TAX1BP1: variants seen among roughly 807,000 people sequenced by gnomAD.
TAX1BP1 encodes Tax1 binding protein 1, also known as tax1-binding protein 1.
In TAX1BP1, 62 loss-of-function variants were observed where a neutral mutation model predicts 97.7. That is an observed-to-expected ratio of 0.63 (90% CI 0.52 to 0.78). TAX1BP1 has a LOEUF of 0.78. Among genes scored for constraint, TAX1BP1 ranks in the 30% least tolerant of loss-of-function variants. The pLI, the probability that TAX1BP1 is intolerant of heterozygous loss-of-function variation, is 0.00. For missense variants in TAX1BP1, 867 were observed against 916.1 expected, an observed-to-expected ratio of 0.95 and a Z score of 0.69; for synonymous variants, 340 against 304.2, an observed-to-expected ratio of 1.12 and a Z score of -1.23.
At position 27,758,122 on chromosome 7, in the gene TAX1BP1, T is replaced by C. The variant is rs1226654093; in HGVS notation, c.254T>C (p.Leu85Pro). 6.2e-7 allele frequency: 1 copy of C among 1,608,988 alleles called. No individual in the cohort carries two copies. The highest frequency in any genetic ancestry group is 8.5e-7 in the Non-Finnish European group (1 of 1,177,824). ...YVEGSTVNCVLAFQGYYLPND... is the reference protein window; with the variant it reads ...YVEGSTVNCVPAFQGYYLPND... ...GAAGGATCAACAGTCAATTGTGTAC[T>C]AGCATTCCAAGGTAAGGACTGAAAA... Residue 85 changes from leucine to proline, a missense_variant, in exon 3 of 17, where the codon CTA becomes CCA. This residue lies in a region of TAX1BP1 where 822 missense variants were observed against 851.4 expected (regional missense o/e 0.97). Coordinates refer to ENST00000396319, the MANE Select transcript of TAX1BP1 (RefSeq NM_006024.7).
In TAX1BP1 at chr7:27,826,412, C is replaced by T. The variant is rs1041151635; in HGVS notation, c.2086-1326C>T. Among the ~76,000 whole-genome samples the T allele has an allele frequency of 9.9e-5, 15 of 152,124 alleles. 1 individual carries two copies. Among genetic ancestry groups the T allele is most frequent in the Admixed American group, 8.5e-4 (13 of 15,256 alleles). The stretch of plus-strand genomic sequence containing the variant: ...ACTCATTTTGTCTTTTGTTTGTTCA[C>T]GTTGCACTTCACACCATATATACTT... On this transcript the variant is annotated intron_variant, in intron 15 of 16. Coordinates refer to ENST00000396319, the MANE Select transcript of TAX1BP1 (RefSeq NM_006024.7).
chr7:27,754,393 A>G (rs1432806481), intron 2 of TAX1BP1, among the ~76,000 whole-genome samples: 1 of 148,058 alleles, frequency 6.8e-6, no homozygotes, highest in African/African-American at 2.4e-5. Flanking sequence ...AATATATATA[A>G]TATATAAATA....
rs996315042 is a variant in TAX1BP1 at position 27,758,411 on chromosome 7, G to A, written c.265+278G>A. The A allele has an allele frequency of 1.6e-4, 35 of 221,144 alleles. 1 individual carries two copies. Among genetic ancestry groups the A allele is most frequent in the African/African-American group, 7.1e-4 (31 of 43,692 alleles). The allele number at this position is 221,144 out of a possible 1,614,324, so 13.7% of individuals were successfully genotyped here. ...ATTTTTGGAGATTTTTTTTTTTCAA[G>A]TGAGAAAACAATACAATAGTAATAA... On this transcript the variant is annotated intron_variant, in intron 3 of 16. Transcript: ENST00000396319.
intron 15 of TAX1BP1, among the ~76,000 whole-genome samples, chr7:27,826,566 T>C (rs1374764053): frequency 6.6e-6 from 1 of 152,168 alleles, no homozygotes; most frequent in African/African-American, 2.4e-5. Context: ...TGTTAGTTCA[T>C]GACATGAGAG....
chr7:27,787,353 T>G, intron 7 of TAX1BP1, 65 bp from the exon 8 acceptor site: 1 of 1,375,410 alleles, frequency 7.3e-7, no homozygotes, highest in Middle Eastern at 2.6e-4. Context: ...TAATGGTATT[T>G]TAAACTTTGA....
chr7:27,829,247 G>C lies in TAX1BP1; in HGVS notation c.*418G>C. On this transcript the variant is annotated 3_prime_UTR_variant, in exon 17 of 17. Transcript: ENST00000396319. Reference sequence around the variant, plus strand: ...ACTACTAAATATTATGTAATAAAAAGCATTTGTCATAACAGTCTTATGAAG... The same window carrying C: ...ACTACTAAATATTATGTAATAAAAACCATTTGTCATAACAGTCTTATGAAG... 1.3e-5 allele frequency: 2 copies of C among 154,098 alleles called. 1 individual carries two copies. Among genetic ancestry groups the C allele is most frequent in the East Asian group, 3.8e-4 (2 of 5,264 alleles). The allele number at this position is 154,098 out of a possible 1,614,324, so 9.5% of individuals were successfully genotyped here.
At chr7:27,798,603 G>A (rs2128319702) in intron 12 of TAX1BP1, among the ~76,000 whole-genome samples, 1 of 149,054 alleles carries the variant, frequency 6.7e-6, no homozygotes, top group South Asian at 2.1e-4. Flanking sequence ...GGTGGAGGTC[G>A]CAGTGAGCCA....
intron 13 of TAX1BP1, among the ~76,000 whole-genome samples, chr7:27,815,654 A>T (rs1387876575): frequency 1.3e-5 from 2 of 152,182 alleles, no homozygotes; most frequent in Non-Finnish European, 2.9e-5. Context: ...AAGTTAGGAA[A>T]TGTTTCTTTG....
intron 4 of TAX1BP1, 52 bp downstream of exon 4, chr7:27,766,073 T>C (rs1216266330): frequency 6.5e-7 from 1 of 1,535,852 alleles, no homozygotes; most frequent in Admixed American, 2.0e-5. Flanking sequence ...AGAACAGAGC[T>C]CATGTTGGTT....
chr7:27,816,195 G>A (rs1276593476), intron 13 of TAX1BP1, among the ~76,000 whole-genome samples, 154 bp from the exon 14 acceptor site: 2 of 152,174 alleles, frequency 1.3e-5, no homozygotes, highest in Admixed American at 6.5e-5. Context: ...ATGAGAAGTT[G>A]AGAGCCAGCT....
In TAX1BP1 at chr7:27,814,108, T is replaced by C. The variant is rs550765465; in HGVS notation, c.1765-2241T>C. The stretch of plus-strand genomic sequence containing the variant: ...ACCGCACTTGGCCTTTTTTTTTTTT[T>C]TCTTTTTTTTGAATCGTGTTTGAAA... On this transcript the variant is annotated intron_variant, in intron 13 of 16. Transcript: ENST00000396319. Among the ~76,000 whole-genome samples, 11 of 151,670 alleles carry C rather than the reference T, an allele frequency of 7.3e-5. No individual in the cohort carries two copies. The South Asian group carries it at 2.1e-3, about 29-fold the overall frequency.
chr7:27,754,037 G>A (rs1455259168), intron 2 of TAX1BP1, among the ~76,000 whole-genome samples: 1 of 152,092 alleles, frequency 6.6e-6, no homozygotes, highest in Non-Finnish European at 1.5e-5. Flanking sequence ...GAGGAAACTG[G>A]AAGTGCAAAG....
chr7:27,806,608 G>C (rs1790351216), intron 13 of TAX1BP1, among the ~76,000 whole-genome samples: 1 of 152,024 alleles, frequency 6.6e-6, no homozygotes, highest in African/African-American at 2.4e-5. Context: ...CTGTTCCATT[G>C]ATCTGTCTAC....
chr7:27,774,763 A>C (rs1029268577), intron 5 of TAX1BP1, among the ~76,000 whole-genome samples: 2 of 152,214 alleles, frequency 1.3e-5, no homozygotes, highest in African/African-American at 4.8e-5. Context: ...AAGAAGTTTT[A>C]AAAAAGCACT....
chr7:27,740,684 C>T (rs1312294305), intron 1 of TAX1BP1, among the ~76,000 whole-genome samples: 1 of 152,166 alleles, frequency 6.6e-6, no homozygotes, highest in Non-Finnish European at 1.5e-5. Context: ...GTGGGTTTTA[C>T]CGGCGCAGTA....
intron 5 of TAX1BP1, among the ~76,000 whole-genome samples, chr7:27,783,087 A>G (rs1020669513): frequency 2.8e-4 from 42 of 152,146 alleles, no homozygotes; most frequent in African/African-American, 1.0e-3. Context: ...TCCCTGCATG[A>G]ATCTGAAGTA....
chr7:27,797,315 C>A (rs1432803054), intron 12 of TAX1BP1, among the ~76,000 whole-genome samples: 1 of 152,012 alleles, frequency 6.6e-6, no homozygotes, highest in Non-Finnish European at 1.5e-5. Flanking sequence ...TTATTTTAAA[C>A]AGCTTCATTC....
At chr7:27,819,060 G>A (rs1790879717) in intron 15 of TAX1BP1, among the ~76,000 whole-genome samples, 1 of 152,080 alleles carries the variant, frequency 6.6e-6, no homozygotes. Flanking sequence ...TGGAAATTGT[G>A]ACTTTAAACG....
intron 8 of TAX1BP1, among the ~76,000 whole-genome samples, chr7:27,788,090 G>A (rs1034572347): frequency 4.0e-5 from 6 of 151,736 alleles, no homozygotes; most frequent in African/African-American, 1.5e-4. Context: ...GTCTAGAATA[G>A]TGTCCCTACA....
Sources: gnomAD v4.1 joint callset for allele counts (sites outside exome capture counted in the v4.1 genomes callset) on GRCh38, gnomAD v4.1.1 for gene constraint, gnomAD v4.1.1 regional missense constraint, MANE v1.5 for transcripts, NCBI Gene and HGNC (gene_info 2026-07-23, HGNC 2026-07-21) for gene names.